Variants in MAGI1 observed in about 807,000 individuals in gnomAD.
MAGI1 encodes membrane-associated guanylate kinase, WW and PDZ domain-containing protein 1.
MAGI1 carries 58 observed loss-of-function variants against 139.9 expected under a neutral mutation model. The observed-to-expected ratio is 0.41, with a 90% CI of 0.34 to 0.52. The LOEUF (loss-of-function observed/expected upper bound fraction) is 0.52. Ranked by LOEUF, MAGI1 falls within the 20% of genes least tolerant of loss-of-function variation. The pLI is 0.12. For missense variants in MAGI1, 1,874 were observed against 1,901.6 expected (o/e 0.99, Z 0.27); for synonymous variants, 812 against 737.9 (o/e 1.10, Z -1.63).
At chr3:65,818,454 G>T (rs982824435) in intron 1 of MAGI1, among the ~76,000 whole-genome samples, 1 of 152,136 alleles carries the variant, frequency 6.6e-6, no homozygotes, top group Non-Finnish European at 1.5e-5. Context: ...AAATAGGGGG[G>T]TCCAACCCAG....
At position 65,812,699 on chromosome 3, in the gene MAGI1, C is replaced by CTT. The variant is rs539502538; in HGVS notation, c.314-190613_314-190612dup. ...AAACTGACTGGTTAAAGTTAGTTTA[C>CTT]TTTTTTTTTTTTTTTTTTTTTTTTT... On this transcript the variant is annotated intron_variant, in intron 1 of 22. Coordinates refer to ENST00000402939, the MANE Select transcript of MAGI1 (RefSeq NM_001033057.2). 5.0e-3 allele frequency among the ~76,000 whole-genome samples: 368 copies of CTT among 72,904 alleles called. 36 individuals are homozygous for CTT. The highest frequency in any genetic ancestry group is 0.017 in the African/African-American group (295 of 17,142). 47.8% of individuals were successfully genotyped at this position (72,904 alleles called of 152,430 possible).
At chr3:65,405,104 T>A (rs1407147313) in intron 12 of MAGI1, among the ~76,000 whole-genome samples, 8 of 152,188 alleles carry the variant, frequency 5.3e-5, no homozygotes, top group Non-Finnish European at 1.5e-5. Flanking sequence ...CAGCAAATAT[T>A]ACTTCTAAGG....
intron 2 of MAGI1, among the ~76,000 whole-genome samples, chr3:65,616,956 G>C (rs9850635): frequency 0.097 from 14,829 of 152,228 alleles, 1,141 homozygotes; most frequent in African/African-American, 0.22. Flanking sequence ...CTATGTTTAA[G>C]AGAAAACTGT....
intron 1 of MAGI1, among the ~76,000 whole-genome samples, chr3:65,706,667 G>A (rs2030354666): frequency 2.0e-5 from 3 of 152,148 alleles, no homozygotes; most frequent in African/African-American, 7.2e-5. Context: ...AAGGGAAAGA[G>A]ATGTGGAGGG....
chr3:65,677,926 T>G (rs920775084), intron 1 of MAGI1, among the ~76,000 whole-genome samples: 2 of 152,152 alleles, frequency 1.3e-5, no homozygotes, highest in African/African-American at 4.8e-5. Context: ...CCAACCCAAA[T>G]GCCCATCAGT....
chr3:65,738,244 G>A (rs2034950069), intron 1 of MAGI1, among the ~76,000 whole-genome samples: 1 of 152,174 alleles, frequency 6.6e-6, no homozygotes, highest in Admixed American at 6.5e-5. Context: ...TGGTTTTCCA[G>A]CACATATAAA....
At chr3:65,849,009 T>C (rs932641805) in intron 1 of MAGI1, among the ~76,000 whole-genome samples, 60 of 70,434 alleles carry the variant, frequency 8.5e-4, no homozygotes, top group Non-Finnish European at 1.1e-3. Flanking sequence ...TTCTTTTTTT[T>C]TTTTTTTTTT....
At chr3:65,925,319 G>C (rs1441238374) in intron 1 of MAGI1, 1 of 150,904 alleles carries the variant, frequency 6.6e-6, no homozygotes, top group African/African-American at 2.4e-5. Flanking sequence ...TTTTTGTTTT[G>C]TTTTTTTGTT....
rs1490607210 is a variant in MAGI1, at chr3:65,391,326, A to G, written c.2232T>C (p.Ser744=). 1 of 1,614,164 alleles carries G rather than the reference A, an allele frequency of 6.2e-7. No homozygotes were observed. The highest frequency in any genetic ancestry group is 2.2e-5 in the East Asian group (1 of 44,880). ...QPLERKDSQN[S]SQHSVSSHRS... ...GGTGGCTGGAAACACTGTGCTGAGA[A>G]CTATTCTGGCTGTCTTTCCTTTCCA... Residue 744 remains serine, a synonymous_variant, in exon 14 of 23, where the codon AGT becomes AGC. Transcript: ENST00000402939.
In MAGI1 at chr3:65,458,610, T is replaced by C. The variant is rs552270265; in HGVS notation, c.960-5270A>G. Among the ~76,000 whole-genome samples, 342 of 152,288 alleles carry C rather than the reference T, an allele frequency of 2.2e-3. 4 individuals are homozygous for C. The highest frequency in any genetic ancestry group is 4.2e-3 in the Non-Finnish European group (284 of 68,010). ...ATCTGTCTGCCATCTGGAGTCTTCT[T>C]TTGAGAAATGTCCACTCAGATCTTT... On this transcript the variant is annotated intron_variant, in intron 5 of 22. Coordinates refer to ENST00000402939, the MANE Select transcript of MAGI1 (RefSeq NM_001033057.2).
chr3:65,520,060 G>C (rs1304251601), intron 2 of MAGI1, among the ~76,000 whole-genome samples: 2 of 152,140 alleles, frequency 1.3e-5, no homozygotes, highest in Admixed American at 1.3e-4. Context: ...CCAACAACCA[G>C]CACAGCTTTG....
At chr3:65,431,711 G>T (rs989034649) in intron 10 of MAGI1, among the ~76,000 whole-genome samples, 9 of 152,112 alleles carry the variant, frequency 5.9e-5, no homozygotes, top group East Asian at 1.9e-4. Context: ...TAGGCTGGGG[G>T]TGTGGTGGCT....
intron 1 of MAGI1, among the ~76,000 whole-genome samples, chr3:65,725,424 C>A (rs925287472): frequency 1.3e-5 from 2 of 152,240 alleles, no homozygotes; most frequent in Non-Finnish European, 2.9e-5. Flanking sequence ...TCTTATTATA[C>A]CACCCCCCAC....
intron 1 of MAGI1, among the ~76,000 whole-genome samples, chr3:65,723,387 G>A (rs1339723393): frequency 6.6e-6 from 1 of 152,174 alleles, no homozygotes; most frequent in African/African-American, 2.4e-5. Context: ...AAGGTGTTAA[G>A]AGTTTCCCCA....
At chr3:65,677,729 G>A (rs138782710) in intron 1 of MAGI1, among the ~76,000 whole-genome samples, 1 of 152,290 alleles carries the variant, frequency 6.6e-6, no homozygotes, top group East Asian at 1.9e-4. Flanking sequence ...CACGTCAAAG[G>A]TCAAACTCTT....
chr3:65,552,257 G>GA (rs1553666629), intron 2 of MAGI1, among the ~76,000 whole-genome samples: 1 of 116,390 alleles, frequency 8.6e-6, no homozygotes, highest in Non-Finnish European at 1.7e-5. Flanking sequence ...AGTGTGTATA[G>GA]GGGTGTGTGT....
intron 1 of MAGI1, among the ~76,000 whole-genome samples, chr3:65,637,220 T>C (rs1348262793): frequency 1.3e-5 from 2 of 152,144 alleles, no homozygotes; most frequent in African/African-American, 4.8e-5. Flanking sequence ...GGAATCTTCT[T>C]TCTTATTTTT....
chr3:65,959,887 G>A (rs1576267355), intron 1 of MAGI1, among the ~76,000 whole-genome samples: 1 of 129,746 alleles, frequency 7.7e-6, no homozygotes. Flanking sequence ...CTCACTGCAA[G>A]CTCCACCTCC....
intron 2 of MAGI1, among the ~76,000 whole-genome samples, chr3:65,595,947 T>G (rs1304902644): frequency 6.6e-6 from 1 of 152,140 alleles, no homozygotes; most frequent in Non-Finnish European, 1.5e-5. Context: ...TTCTGTTTGC[T>G]CAGTTGAGAA....
Sources: allele counts gnomAD v4.1 joint callset (sites outside exome capture counted in the v4.1 genomes callset), GRCh38; gene constraint gnomAD v4.1.1; transcripts MANE v1.5; gene names NCBI Gene and HGNC (gene_info 2026-07-23, HGNC 2026-07-21).